Variants in SEMA3E observed in about 807,000 individuals in gnomAD.
The protein encoded by SEMA3E is semaphorin 3E.
In SEMA3E, 49 loss-of-function variants were observed where a neutral mutation model predicts 93.6. The observed-to-expected ratio is 0.52, with a 90% CI of 0.42 to 0.66. SEMA3E has a LOEUF of 0.66. SEMA3E is among the 30% of genes least tolerant of loss of function. The pLI is 0.00. For synonymous variants in SEMA3E, 363 were observed against 330.7 expected (o/e 1.10, Z -1.06); for missense variants, 906 against 964.8 (o/e 0.94, Z 0.81).
In SEMA3E at chr7:83,364,951, T is replaced by C. The variant is rs1364638141; in HGVS notation, c.*2635A>G. ...TGAGTTCAGAGAAGATCCATCCATTTTTAATTTTTAAAGCCTGGGCATTTC... is the reference window on the plus strand; with the variant it reads ...TGAGTTCAGAGAAGATCCATCCATTCTTAATTTTTAAAGCCTGGGCATTTC... On this transcript the variant is annotated 3_prime_UTR_variant, in exon 17 of 17. Coordinates refer to ENST00000643230, the MANE Select transcript of SEMA3E (RefSeq NM_012431.3). 2 of 152,194 alleles carry C rather than the reference T, an allele frequency of 1.3e-5. No individual in the cohort carries two copies. Among genetic ancestry groups the C allele is most frequent in the Non-Finnish European group, 2.9e-5 (2 of 68,032 alleles). 9.4% of individuals were successfully genotyped at this position (152,194 alleles called of 1,614,324 possible).
rs535351077 is a variant in SEMA3E at position 83,388,785 on chromosome 7, T to C, written c.1668-1735A>G. ...CCCTTGTAAAATAGAGGTGGCAAAA[T>C]GACACCTAAAATCTATTTCAGTCTT... On this transcript the variant is annotated intron_variant, in intron 14 of 16. Coordinates refer to ENST00000643230, the MANE Select transcript of SEMA3E (RefSeq NM_012431.3). Among the ~76,000 whole-genome samples, 18 of 148,042 alleles carry C rather than the reference T, an allele frequency of 1.2e-4. No individual in the cohort carries two copies. The East Asian group carries it at 3.7e-3, about 30-fold the overall frequency.
At chr7:83,589,767 A>G (rs1350139741) in intron 1 of SEMA3E, among the ~76,000 whole-genome samples, 4 of 152,200 alleles carry the variant, frequency 2.6e-5, no homozygotes, top group Non-Finnish European at 5.9e-5. Flanking sequence ...CACTTTGACT[A>G]AAGTTACACT....
In SEMA3E at chr7:83,607,280, C is replaced by T. The variant is rs192614135; in HGVS notation, c.115+41148G>A. Among the ~76,000 whole-genome samples, 619 of 152,300 alleles carry T rather than the reference C, an allele frequency of 4.1e-3. 4 individuals carry two copies. Among genetic ancestry groups the T allele is most frequent in the African/African-American group, 0.014 (594 of 41,576 alleles). Reference sequence around the variant, plus strand: ...CTTTTTACAACTTGATTGACTTTCTCTTTTTGAATATATGAAAATCACTGG... The same window carrying T: ...CTTTTTACAACTTGATTGACTTTCTTTTTTTGAATATATGAAAATCACTGG... On this transcript the variant is annotated intron_variant, in intron 1 of 16. Transcript: ENST00000643230.
intron 1 of SEMA3E, among the ~76,000 whole-genome samples, chr7:83,500,929 G>T (rs1047511320): frequency 6.6e-6 from 1 of 152,044 alleles, no homozygotes; most frequent in Non-Finnish European, 1.5e-5. Context: ...CTATGAAATT[G>T]TCTGTGGTAA....
intron 4 of SEMA3E, among the ~76,000 whole-genome samples, chr7:83,419,312 G>A (rs1465792970): frequency 6.6e-6 from 1 of 152,082 alleles, no homozygotes; most frequent in Non-Finnish European, 1.5e-5. Context: ...TGAGCACTTA[G>A]GTTGAATTTA....
intron 1 of SEMA3E, among the ~76,000 whole-genome samples, chr7:83,642,020 CTCAT>C (rs1794018146): frequency 6.6e-6 from 1 of 152,106 alleles, no homozygotes; most frequent in Admixed American, 6.6e-5. Context: ...TTAGATATGC[CTCAT>C]CCAAAGTCTA....
chr7:83,456,594 T>TTTA (rs1554327677), intron 4 of SEMA3E, among the ~76,000 whole-genome samples: 3 of 37,924 alleles, frequency 7.9e-5, no homozygotes, highest in Admixed American at 4.2e-4. Flanking sequence ...AACGACTCTA[T>TTTA]TTTATTTATT....
Position 83,394,352 on chromosome 7 carries a change from A to G in SEMA3E, c.1459-14T>C. The G allele has an allele frequency of 6.2e-7, 1 of 1,609,498 alleles. No homozygotes were observed. The highest frequency in any genetic ancestry group is 1.7e-5 in the Admixed American group (1 of 59,878). Reference sequence around the variant, plus strand: ...AGGAACTGGATCCTGAAATTTTAAAAAAGTTTTCATTTTTAAGAAAACAGT... The same window carrying G: ...AGGAACTGGATCCTGAAATTTTAAAGAAGTTTTCATTTTTAAGAAAACAGT... On this transcript the variant is annotated splice_polypyrimidine_tract_variant and intron_variant, in intron 12 of 16. Coordinates refer to ENST00000643230, the MANE Select transcript of SEMA3E (RefSeq NM_012431.3).
chr7:83,468,578 G>T (rs184785816), intron 3 of SEMA3E, among the ~76,000 whole-genome samples: 1 of 151,882 alleles, frequency 6.6e-6, no homozygotes, highest in Admixed American at 6.6e-5. Flanking sequence ...TGAAAAAAAG[G>T]TTAAGTTCAC....
At chr7:83,414,269 T>C (rs1482205088) in intron 5 of SEMA3E, among the ~76,000 whole-genome samples, 1 of 152,122 alleles carries the variant, frequency 6.6e-6, no homozygotes, top group Non-Finnish European at 1.5e-5. Flanking sequence ...TTTATTTTTC[T>C]AATAAATGAC....
At chr7:83,486,226 T>A (rs1790251545) in intron 2 of SEMA3E, among the ~76,000 whole-genome samples, 1 of 152,124 alleles carries the variant, frequency 6.6e-6, no homozygotes, top group African/African-American at 2.4e-5. Flanking sequence ...GTAAGCTAAA[T>A]TAAGTGTGGA....
intron 12 of SEMA3E, among the ~76,000 whole-genome samples, chr7:83,395,116 G>A (rs1450335616): frequency 6.6e-6 from 1 of 152,046 alleles, no homozygotes; most frequent in Non-Finnish European, 1.5e-5. Flanking sequence ...GAATCTTTAT[G>A]CCTTCATACA....
chr7:83,410,552 T>C (rs112397761), intron 5 of SEMA3E, among the ~76,000 whole-genome samples: 1 of 152,124 alleles, frequency 6.6e-6, no homozygotes, highest in African/African-American at 2.4e-5. Context: ...TAATTTTTTA[T>C]CAAAGTCATT....
intron 1 of SEMA3E, among the ~76,000 whole-genome samples, chr7:83,503,486 A>C (rs527797833): frequency 6.6e-6 from 1 of 152,274 alleles, no homozygotes; most frequent in African/African-American, 2.4e-5. Context: ...TAAAGTTTAA[A>C]TTTCTAGGAG....
chr7:83,481,361 A>AAAATAAAT (rs560280441), intron 2 of SEMA3E, among the ~76,000 whole-genome samples: 1 of 152,120 alleles, frequency 6.6e-6, no homozygotes, highest in African/African-American at 2.4e-5. Context: ...TAGAGAAAGC[A>AAAATAAAT]AAATAAATAA....
intron 1 of SEMA3E, among the ~76,000 whole-genome samples, chr7:83,596,697 C>T (rs1792880905): frequency 1.3e-5 from 2 of 152,146 alleles, no homozygotes; most frequent in South Asian, 4.1e-4. Context: ...TCTTATTCAT[C>T]ATTCTACTAG....
rs138575713 is a variant in SEMA3E at position 83,424,779 on chromosome 7, T to C, written c.457-6296A>G. 154 of 161,372 alleles carry C rather than the reference T, an allele frequency of 9.5e-4. 1 individual carries two copies. Among genetic ancestry groups the C allele is most frequent in the Admixed American group, 2.5e-3 (39 of 15,452 alleles). The allele number at this position is 161,372 out of a possible 1,614,324, so 10.0% of individuals were successfully genotyped here. A position where few individuals can be genotyped will look rare whatever the true frequency, so the allele number is the denominator to read the frequency against. ...TATAATCACATGGGTCTTTAAGAGA[T>C]AAGATGTTTTGATAAAAGCAGAAAG... On this transcript the variant is annotated intron_variant, in intron 4 of 16. Coordinates refer to ENST00000643230, the MANE Select transcript of SEMA3E (RefSeq NM_012431.3).
chr7:83,402,940 A>G (rs1375158252), intron 9 of SEMA3E, among the ~76,000 whole-genome samples, 164 bp from the exon 10 acceptor site: 1 of 151,992 alleles, frequency 6.6e-6, no homozygotes, highest in Non-Finnish European at 1.5e-5. Flanking sequence ...AATATTTCCA[A>G]TTTTGAAACT....
chr7:83,516,945 TTATA>T (rs369210004), intron 1 of SEMA3E, among the ~76,000 whole-genome samples: 1 of 148,550 alleles, frequency 6.7e-6, no homozygotes, highest in African/African-American at 2.5e-5. Context: ...TAGCATATAT[TTATA>T]TATATATATG....
Sources: gnomAD v4.1 joint callset for allele counts (sites outside exome capture counted in the v4.1 genomes callset) on GRCh38, gnomAD v4.1.1 for gene constraint, MANE v1.5 for transcripts, NCBI Gene and HGNC (gene_info 2026-07-23, HGNC 2026-07-21) for gene names.